ELMO1: variants seen among roughly 807,000 people sequenced by gnomAD.
ELMO1 encodes the protein engulfment and cell motility protein 1.
In ELMO1, 26 loss-of-function variants were observed where a neutral mutation model predicts 98.9. The observed-to-expected ratio is 0.26, with a 90% CI of 0.19 to 0.36. ELMO1 has a LOEUF of 0.36. ELMO1 is among the 10% of genes least tolerant of loss of function. ELMO1 has a pLI of 1.00. For synonymous variants in ELMO1, 346 were observed against 346.0 expected (o/e 1.00, Z 0.00); for missense variants, 627 against 935.2 (o/e 0.67, Z 4.30).
intron 15 of ELMO1, among the ~76,000 whole-genome samples, chr7:37,067,951 G>A (rs1797072680): frequency 6.6e-6 from 1 of 152,206 alleles, no homozygotes; most frequent in East Asian, 1.9e-4. Context: ...TCTGCTTGGG[G>A]TTATGAGAAT....
intron 19 of ELMO1, among the ~76,000 whole-genome samples, chr7:36,872,329 G>A (rs1803591646): frequency 6.6e-6 from 1 of 152,208 alleles, no homozygotes; most frequent in Non-Finnish European, 1.5e-5. Flanking sequence ...AACAGAAAGT[G>A]AGAGGATGGA....
intron 4 of ELMO1, among the ~76,000 whole-genome samples, chr7:37,312,242 C>G (rs1583520555): frequency 6.6e-6 from 1 of 152,186 alleles, no homozygotes; most frequent in Admixed American, 6.5e-5. Context: ...GCATGTGCCA[C>G]CACACCCAAC....
Position 36,878,105 on chromosome 7 carries a change from T to C in ELMO1, c.1727A>G (p.Tyr576Cys). The C allele has an allele frequency of 6.2e-7, 1 of 1,613,886 alleles. No homozygotes were observed. Among genetic ancestry groups the C allele is most frequent in the Non-Finnish European group, 8.5e-7 (1 of 1,179,810 alleles). The change falls in exon 19 of 22, where the codon TAT becomes TGT. Residue 576 changes from tyrosine (Y) to cysteine (C), a missense_variant. Physicochemically the swap from Tyr to Cys is radical, Grantham distance 194 (BLOSUM62 -2). This residue lies in a region of ELMO1 where 492 missense variants were observed against 715.6 expected (regional missense o/e 0.69). Transcript: ENST00000310758. ...NARRRQDKFWYCRLSPNHKVL... is the reference protein window; with the variant it reads ...NARRRQDKFWCCRLSPNHKVL... ...TTTGTGATTTGGCGAAAGCCGACAATACCAAAACTTGTCTGAGAGAAAAAA... is the reference window on the plus strand; with the variant it reads ...TTTGTGATTTGGCGAAAGCCGACAACACCAAAACTTGTCTGAGAGAAAAAA...
intron 13 of ELMO1, among the ~76,000 whole-genome samples, chr7:37,175,854 A>G (rs571599484): frequency 6.6e-6 from 1 of 152,118 alleles, no homozygotes; most frequent in South Asian, 2.1e-4. Context: ...CTCAAAGAAA[A>G]AACAAAACAA....
chr7:37,168,647 C>T (rs183183613), intron 13 of ELMO1, among the ~76,000 whole-genome samples: 173 of 152,304 alleles, frequency 1.1e-3, no homozygotes, highest in Non-Finnish European at 2.0e-3. Flanking sequence ...GTTTGCAGAA[C>T]AGCGGTTTTT....
At chr7:36,857,395 G>A (rs1201308839) in intron 21 of ELMO1, among the ~76,000 whole-genome samples, 2 of 152,062 alleles carry the variant, frequency 1.3e-5, no homozygotes, top group Non-Finnish European at 2.9e-5. Flanking sequence ...GAACACGCAG[G>A]TACGGGTGCC....
chr7:37,141,986 T>G (rs1787674530), intron 13 of ELMO1, among the ~76,000 whole-genome samples: 1 of 152,232 alleles, frequency 6.6e-6, no homozygotes, highest in South Asian at 2.1e-4. Context: ...AACTAGAGGT[T>G]GAATAAGTGC....
intron 1 of ELMO1, chr7:37,376,044 C>T: frequency 2.4e-6 from 1 of 411,126 alleles, no homozygotes; most frequent in Middle Eastern, 7.5e-4. Flanking sequence ...GATTATTTCA[C>T]ATTGAATAAA....
chr7:37,206,550 ATAT>A (rs1001311442), intron 13 of ELMO1, among the ~76,000 whole-genome samples: 2 of 152,214 alleles, frequency 1.3e-5, no homozygotes, highest in African/African-American at 2.4e-5. Flanking sequence ...TGCTGAAAAA[ATAT>A]TATTAAGATG....
intron 13 of ELMO1, among the ~76,000 whole-genome samples, chr7:37,168,385 G>A (rs987111632): frequency 3.9e-5 from 6 of 152,222 alleles, no homozygotes; most frequent in Non-Finnish European, 8.8e-5. Context: ...GTGAGGAACT[G>A]TGTTCCTTTG....
intron 16 of ELMO1, among the ~76,000 whole-genome samples, chr7:37,005,107 CA>C (rs35665315): frequency 0.017 from 646 of 38,270 alleles, no homozygotes; most frequent in Non-Finnish European, 0.032. Context: ...GGCTCTGTCT[CA>C]AAAAAAAAAA....
intron 16 of ELMO1, among the ~76,000 whole-genome samples, chr7:36,921,882 A>G (rs976515375): frequency 1.3e-5 from 2 of 152,234 alleles, no homozygotes; most frequent in Non-Finnish European, 2.9e-5. Context: ...GTAAAGTCAA[A>G]TAATACCTAA....
chr7:37,320,327 C>CATCCACAA (rs1324447973), intron 2 of ELMO1, among the ~76,000 whole-genome samples: 1 of 151,892 alleles, frequency 6.6e-6, no homozygotes, highest in African/African-American at 2.4e-5. Flanking sequence ...CAGCCAAAGC[C>CATCCACAA]ATCCACAATC....
At chr7:37,096,876 T>C (rs748970977) in intron 14 of ELMO1, 149 bp from the exon 15 acceptor site, 16 of 724,076 alleles carry the variant, frequency 2.2e-5, no homozygotes, top group Non-Finnish European at 3.8e-5. Context: ...GTACTCCAAG[T>C]ATACAGGACC....
At chr7:37,069,283 T>C (rs1193675093) in intron 15 of ELMO1, among the ~76,000 whole-genome samples, 2 of 152,344 alleles carry the variant, frequency 1.3e-5, no homozygotes, top group African/African-American at 4.8e-5. Flanking sequence ...CTTACAAGTC[T>C]GGTCCTAAGA....
chr7:37,222,815 G>T, intron 9 of ELMO1, 122 bp from the exon 10 acceptor site: 1 of 782,640 alleles, frequency 1.3e-6, no homozygotes, highest in Non-Finnish European at 2.1e-6. Context: ...AGAGAGAAAG[G>T]CAGGGCCTAG....
chr7:36,988,226 G>C (rs1791645248), intron 16 of ELMO1, among the ~76,000 whole-genome samples: 1 of 152,122 alleles, frequency 6.6e-6, no homozygotes, highest in Non-Finnish European at 1.5e-5. Context: ...TCACCCTCAG[G>C]GTGGTGGATG....
At chr7:37,224,274 C>G (rs1181537072) in intron 9 of ELMO1, among the ~76,000 whole-genome samples, 2 of 152,148 alleles carry the variant, frequency 1.3e-5, no homozygotes, top group African/African-American at 4.8e-5. Context: ...TCCTAGTTAC[C>G]TCAGGGAGGA....
intron 13 of ELMO1, among the ~76,000 whole-genome samples, chr7:37,210,141 T>C (rs1792871781): frequency 6.6e-6 from 1 of 152,136 alleles, no homozygotes; most frequent in Non-Finnish European, 1.5e-5. Flanking sequence ...TTTCTGTGTG[T>C]GGAAAGCAAT....
Sources: gnomAD v4.1 joint callset for allele counts (sites outside exome capture counted in the v4.1 genomes callset) on GRCh38, gnomAD v4.1.1 for gene constraint, gnomAD v4.1.1 regional missense constraint, MANE v1.5 for transcripts, NCBI Gene and HGNC (gene_info 2026-07-23, HGNC 2026-07-21) for gene names.